Variants in TULP4 observed in about 807,000 individuals in gnomAD.
TULP4 encodes TUB like protein 4.
In TULP4, 16 loss-of-function variants were observed where a neutral mutation model predicts 129.0. The observed-to-expected ratio is 0.12, with a 90% CI of 0.08 to 0.19. TULP4 has a LOEUF of 0.19. TULP4 is among the 10% of genes least tolerant of loss of function. The pLI, the probability that TULP4 is intolerant of heterozygous loss-of-function variation, is 1.00. For missense variants in TULP4, 1,842 were observed against 2,059.1 expected (o/e 0.89, Z 2.04); for synonymous variants, 998 against 854.0 (o/e 1.17, Z -2.94).
chr6:158,339,779 AT>A (rs1330910345), intron 1 of TULP4, among the ~76,000 whole-genome samples: 4 of 152,164 alleles, frequency 2.6e-5, no homozygotes, highest in Admixed American at 2.6e-4. Context: ...CAGATTTCAT[AT>A]TGTTCAAACA....
intron 2 of TULP4, among the ~76,000 whole-genome samples, chr6:158,415,691 TAGC>T (rs1778194215): frequency 6.6e-6 from 1 of 151,414 alleles, no homozygotes; most frequent in South Asian, 2.1e-4. Flanking sequence ...AAAAAAAAGT[TAGC>T]AGTCTCAGGC....
Position 158,318,899 on chromosome 6 carries a change from ATTTTTTTT to A in TULP4, c.252+4650_252+4657del, listed in dbSNP as rs56898948. 2.3e-3 allele frequency among the ~76,000 whole-genome samples: 314 copies of A among 136,918 alleles called. 4 individuals carry two copies. Among genetic ancestry groups the A allele is most frequent in the East Asian group, 0.013 (60 of 4,778 alleles). The allele number at this position is 136,918 out of a possible 152,430, so 89.8% of individuals were successfully genotyped here. ...TGCCACAATGTTCAGCTAGTTACAA[ATTTTTTTT>A]TTTTTTTTTTTTTTTTTTGGTAGAG... On this transcript the variant is annotated intron_variant, in intron 1 of 13. Transcript: ENST00000367097.
chr6:158,311,365 G>T (rs9456284), upstream of TULP4, among the ~76,000 whole-genome samples: 4 of 152,144 alleles, frequency 2.6e-5, no homozygotes, highest in South Asian at 6.2e-4. Context: ...CTGGCGGGGC[G>T]GGAGGGCAGG....
chr6:158,418,272 AT>A (rs1462354344), intron 2 of TULP4, among the ~76,000 whole-genome samples: 1 of 150,594 alleles, frequency 6.6e-6, no homozygotes, highest in African/African-American at 2.4e-5. Context: ...ACACCCGGCT[AT>A]TTTTTTATAC....
At chr6:158,268,776 T>G (rs1229970127) in intron 1 of TULP4, among the ~76,000 whole-genome samples, 1 of 152,236 alleles carries the variant, frequency 6.6e-6, no homozygotes, top group African/African-American at 2.4e-5. Flanking sequence ...TCAGGGTGAT[T>G]TTTGGCTCTA....
intron 1 of TULP4, among the ~76,000 whole-genome samples, chr6:158,379,102 C>T (rs827985): frequency 0.46 from 70,391 of 151,946 alleles, 16,854 homozygotes; most frequent in African/African-American, 0.58. Context: ...TCCAGGCTGG[C>T]GGCATAGGTG....
chr6:158,469,203 A>G (rs1005165718), intron 6 of TULP4, among the ~76,000 whole-genome samples: 4 of 152,128 alleles, frequency 2.6e-5, no homozygotes, highest in African/African-American at 9.7e-5. Context: ...CACAGAGTTC[A>G]GAGAGATTGT....
chr6:158,360,146 A>G (rs777692221), intron 1 of TULP4, among the ~76,000 whole-genome samples: 7 of 151,898 alleles, frequency 4.6e-5, no homozygotes, highest in Non-Finnish European at 8.8e-5. Context: ...AAGTGAGGCT[A>G]GAGTAACTAT....
intron 1 of TULP4, among the ~76,000 whole-genome samples, chr6:158,329,203 T>A (rs1489550224): frequency 6.6e-6 from 1 of 152,234 alleles, no homozygotes; most frequent in African/African-American, 2.4e-5. Context: ...TTTAGGGAAT[T>A]CTTACTGACA....
chr6:158,239,464 A>AC lies in TULP4; in HGVS notation n.68+7168dup, dbSNP rs1160457781. Among the ~76,000 whole-genome samples the AC allele has an allele frequency of 1.1e-4, 4 of 35,418 alleles. 1 individual carries two copies. The highest frequency in any genetic ancestry group is 2.3e-4 in the Non-Finnish European group (4 of 17,226). 23.2% of individuals were successfully genotyped at this position (35,418 alleles called of 152,430 possible). A position where few individuals can be genotyped will look rare whatever the true frequency, so the allele number is the denominator to read the frequency against. On this transcript the variant is annotated intron_variant and non_coding_transcript_variant, in intron 1 of 1. Transcript: ENST00000620026. The stretch of plus-strand genomic sequence containing the variant: ...GGGCGGCTGGCCGGGTGGGGGGCTG[A>AC]CCCCCCCACCTCCCTCCCGGACGGG...
chr6:158,235,248 G>A (rs1269185902), intron 1 of TULP4, among the ~76,000 whole-genome samples: 2 of 151,682 alleles, frequency 1.3e-5, no homozygotes, highest in Non-Finnish European at 2.9e-5. Context: ...ACGTTGTCAT[G>A]CAACTATCAC....
At chr6:158,419,584 T>C (rs1778291877) in intron 2 of TULP4, among the ~76,000 whole-genome samples, 1 of 152,202 alleles carries the variant, frequency 6.6e-6, no homozygotes, top group East Asian at 1.9e-4. Flanking sequence ...ATATCTTGTT[T>C]AGAGCCACAC....
intron 1 of TULP4, among the ~76,000 whole-genome samples, chr6:158,268,912 C>T (rs1257615106): frequency 1.3e-5 from 2 of 152,072 alleles, no homozygotes; most frequent in Admixed American, 1.3e-4. Flanking sequence ...CTCCCTTTAG[C>T]CTTTAGCACT....
Position 158,461,685 on chromosome 6 carries a change from A to C in TULP4, c.982A>C (p.Asn328His). ...LLKSAMVKFY[N>H]VRGEHIFTLD... is the part of the protein sequence containing the mutation. ...GAAGAGTGCCATGGTCAAGTTCTAC[A>C]ATGTTCGTGGGGAGCACATCTTCAC... is the stretch of plus-strand genomic sequence containing the variant. The change falls in exon 6 of 14, where the codon AAT becomes CAT. Residue 328 changes from asparagine to histidine, a missense_variant. This residue lies in a region of TULP4 where 456 missense variants were observed against 534.3 expected (regional missense o/e 0.85). Coordinates refer to ENST00000367097, the MANE Select transcript of TULP4 (RefSeq NM_020245.5). The C allele has an allele frequency of 6.2e-7, 1 of 1,614,192 alleles. No homozygotes were observed. The highest frequency in any genetic ancestry group is 8.5e-7 in the Non-Finnish European group (1 of 1,180,026).
At chr6:158,448,867 G>C in intron 3 of TULP4, 129 bp from the exon 4 acceptor site, 3 of 916,950 alleles carry the variant, frequency 3.3e-6, no homozygotes, top group Non-Finnish European at 3.2e-6. Flanking sequence ...TCACTGTGCT[G>C]TTGTTACTTA....
chr6:158,331,771 G>GTGTATATATATATA (rs1779897029), intron 1 of TULP4, among the ~76,000 whole-genome samples: 1 of 30,856 alleles, frequency 3.2e-5, no homozygotes, highest in African/African-American at 1.8e-4. Flanking sequence ...ATATATACAC[G>GTGTATATATATATA]TATATATACA....
At chr6:158,357,077 C>T (rs932170986) in intron 1 of TULP4, among the ~76,000 whole-genome samples, 2 of 152,196 alleles carry the variant, frequency 1.3e-5, no homozygotes, top group African/African-American at 4.8e-5. Context: ...CTGCCCACAG[C>T]CCCCAGGCCC....
intron 1 of TULP4, among the ~76,000 whole-genome samples, chr6:158,395,063 G>A (rs771277943): frequency 1.8e-4 from 27 of 152,072 alleles, no homozygotes; most frequent in Non-Finnish European, 3.4e-4. Flanking sequence ...AGGGAAATCC[G>A]CCCCCATGAT....
chr6:158,423,124 G>A (rs1044389779), intron 2 of TULP4, among the ~76,000 whole-genome samples: 7 of 16,940 alleles, frequency 4.1e-4, no homozygotes, highest in South Asian at 5.9e-3. Flanking sequence ...CAAAAAAGAG[G>A]GGGGGGGGGG....
Sources: gnomAD v4.1 joint callset for allele counts (sites outside exome capture counted in the v4.1 genomes callset) on GRCh38, gnomAD v4.1.1 for gene constraint, gnomAD v4.1.1 regional missense constraint, MANE v1.5 for transcripts, NCBI Gene and HGNC (gene_info 2026-07-23, HGNC 2026-07-21) for gene names.